The following ZFHX3 variants were observed in gnomAD, a reference collection of about 807,000 sequenced individuals.
ZFHX3 encodes the protein zinc finger homeobox 3, also known as zinc finger homeobox protein 3.
In ZFHX3, 42 loss-of-function variants were observed where a neutral mutation model predicts 279.1. The observed-to-expected ratio is 0.15, with a 90% CI of 0.12 to 0.19. The LOEUF (loss-of-function observed/expected upper bound fraction) is 0.19, where lower values mean the gene tolerates loss of function less well. Ranked by LOEUF, ZFHX3 falls within the 10% of genes least tolerant of loss-of-function variation. The pLI is 1.00. For synonymous variants in ZFHX3, 2,293 were observed against 1,957.8 expected (o/e 1.17, Z -4.52); for missense variants, 4,981 against 4,754.0 (o/e 1.05, Z -1.40).
intron 2 of ZFHX3, among the ~76,000 whole-genome samples, chr16:73,491,036 C>A (rs969421306): frequency 6.6e-6 from 1 of 152,146 alleles, no homozygotes; most frequent in Non-Finnish European, 1.5e-5. Flanking sequence ...ATACCTTTGA[C>A]AAAATGTCAT....
chr16:73,149,391 C>A (rs1966888437), intron 5 of ZFHX3, among the ~76,000 whole-genome samples: 1 of 151,906 alleles, frequency 6.6e-6, no homozygotes, highest in Admixed American at 6.6e-5. Flanking sequence ...TTCATTCATG[C>A]TGTAGAGATC....
intron 2 of ZFHX3, among the ~76,000 whole-genome samples, chr16:73,650,431 AC>A (rs1245106146): frequency 6.6e-6 from 1 of 152,074 alleles, no homozygotes; most frequent in Admixed American, 6.6e-5. Context: ...AGTAAGTGCT[AC>A]CCCCAGCCCT....
rs559060123 is a variant in ZFHX3 at position 73,672,615 on chromosome 16, A to G, written c.-1547+7565T>C. Among the ~76,000 whole-genome samples the G allele has an allele frequency of 1.0e-4, 15 of 150,430 alleles. No homozygotes were observed. In the South Asian group the frequency reaches 3.2e-3, roughly 32 times the overall value. ...ATAAAAAATGATCATAAAAATCAAAAGTTATTATTTTTCGAAAGAATAATA... is the reference window on the plus strand; with the variant it reads ...ATAAAAAATGATCATAAAAATCAAAGGTTATTATTTTTCGAAAGAATAATA... On this transcript the variant is annotated intron_variant, in intron 2 of 17. Coordinates refer to the ZFHX3 transcript ENST00000641206.
intron 1 of ZFHX3, among the ~76,000 whole-genome samples, chr16:73,881,275 C>T (rs1476805667): frequency 6.6e-6 from 1 of 152,066 alleles, no homozygotes; most frequent in Non-Finnish European, 1.5e-5. Flanking sequence ...GCAGACAAGC[C>T]CCACTGGAAA....
intron 2 of ZFHX3, among the ~76,000 whole-genome samples, chr16:73,601,671 C>T (rs373049191): frequency 2.6e-5 from 4 of 152,240 alleles, no homozygotes; most frequent in African/African-American, 9.6e-5. Flanking sequence ...ACTGTTCTTC[C>T]TTCAATTTTG....
rs966182478 is a variant in ZFHX3 at position 72,845,576 on chromosome 16, C to G, written c.3449-15717G>C. Among the ~76,000 whole-genome samples, 21 of 152,314 alleles carry G rather than the reference C, an allele frequency of 1.4e-4. 1 individual carries two copies. Among genetic ancestry groups the G allele is most frequent in the East Asian group, 1.2e-3 (6 of 5,162 alleles). ...TCCCACGCTCTGTGTCACGGCACCCCCGTCCTGCCCCAGGAGCCTGTGTTC... is the reference window on the plus strand; with the variant it reads ...TCCCACGCTCTGTGTCACGGCACCCGCGTCCTGCCCCAGGAGCCTGTGTTC... On this transcript the variant is annotated intron_variant, in intron 4 of 9. Transcript: ENST00000268489.
At chr16:73,051,815 G>A (rs749585252), upstream of ZFHX3, among the ~76,000 whole-genome samples, 40 of 151,892 alleles carry the variant, frequency 2.6e-4, no homozygotes, top group Admixed American at 1.3e-4. Context: ...TCTCTTTCTC[G>A]CTCCTTCTTT....
chr16:72,913,802 GA>G (rs2039376715), intron 3 of ZFHX3, among the ~76,000 whole-genome samples: 1 of 152,162 alleles, frequency 6.6e-6, no homozygotes. Context: ...TGTCTATCTA[GA>G]AAGTCAGAGT....
At position 73,653,907 on chromosome 16, in the gene ZFHX3, G is replaced by A. The variant is rs962569146; in HGVS notation, c.-1547+26273C>T. Among the ~76,000 whole-genome samples, 84 of 152,094 alleles carry A rather than the reference G, an allele frequency of 5.5e-4. 1 individual carries two copies. The highest frequency in any genetic ancestry group is 1.3e-4 in the Admixed American group (2 of 15,268). ...TCATTAAAAAGATAAAAAGAGGGCC[G>A]GGCACGGTGGCTCACGCCTGTAATC... On this transcript the variant is annotated intron_variant, in intron 2 of 17. Coordinates refer to the ZFHX3 transcript ENST00000641206.
At position 73,709,904 on chromosome 16, in the gene ZFHX3, G is replaced by A. The variant is rs539016948; in HGVS notation, c.-1607-29664C>T. Among the ~76,000 whole-genome samples, 40 of 152,244 alleles carry A rather than the reference G, an allele frequency of 2.6e-4. 1 individual carries two copies. The highest frequency in any genetic ancestry group is 8.3e-4 in the South Asian group (4 of 4,824). On this transcript the variant is annotated intron_variant, in intron 1 of 17. Transcript: ENST00000641206. ...CATCATAAATACATAGGTTTTGGCC[G>A]GGCGTGGTGGCTCATGCCTGTAATC...
At chr16:73,102,061 C>G (rs1966238607) in intron 7 of ZFHX3, among the ~76,000 whole-genome samples, 1 of 151,742 alleles carries the variant, frequency 6.6e-6, no homozygotes, top group South Asian at 2.1e-4. Context: ...TTACAGGCAC[C>G]TGCCACTGCG....
intron 3 of ZFHX3, among the ~76,000 whole-genome samples, chr16:73,328,489 G>C (rs774480154): frequency 5.3e-5 from 8 of 152,176 alleles, no homozygotes; most frequent in Non-Finnish European, 1.2e-4. Flanking sequence ...ACATTTTAAT[G>C]AGGCACGTTT....
intron 5 of ZFHX3, among the ~76,000 whole-genome samples, chr16:72,816,161 T>C (rs1221857767): frequency 6.6e-6 from 1 of 152,226 alleles, no homozygotes; most frequent in Non-Finnish European, 1.5e-5. Flanking sequence ...CACATAGTCA[T>C]TTTATTTTTA....
In ZFHX3 at chr16:73,739,059, G is replaced by A. The variant is rs569604386; in HGVS notation, c.-1607-58819C>T. On this transcript the variant is annotated intron_variant, in intron 1 of 17. Coordinates refer to the ZFHX3 transcript ENST00000641206. The stretch of plus-strand genomic sequence containing the variant: ...TTCCTCTGTCCCTCGGACAAGGAGC[G>A]GTCGAGGCTTCCTGCTGTTGCAAAT... Among the ~76,000 whole-genome samples the A allele has an allele frequency of 5.8e-4, 88 of 152,278 alleles. 1 individual carries two copies. The South Asian group carries it at 0.016, about 27-fold the overall frequency.
intron 2 of ZFHX3, among the ~76,000 whole-genome samples, chr16:73,602,168 GA>G (rs1241985418): frequency 6.6e-6 from 1 of 152,098 alleles, no homozygotes; most frequent in African/African-American, 2.4e-5. Flanking sequence ...AAGAAGAACA[GA>G]AAAAACATGT....
intron 4 of ZFHX3, among the ~76,000 whole-genome samples, chr16:72,849,860 C>CAAAAAAAAAAAAAAAAAAAAAAAA (rs542156633): frequency 1.8e-5 from 1 of 56,564 alleles, no homozygotes; most frequent in African/African-American, 7.9e-5. Context: ...GTTCACCTAC[C>CAAAAAAAAAAAAAAAAAAAAAAAA]AAAAAAAAAA....
intron 5 of ZFHX3, among the ~76,000 whole-genome samples, chr16:73,254,212 T>C (rs2013597161): frequency 1.3e-5 from 2 of 152,166 alleles, no homozygotes; most frequent in Admixed American, 1.3e-4. Flanking sequence ...CTGAATTACA[T>C]ACACATGGTC....
chr16:73,803,874 A>T (rs1268253652), intron 1 of ZFHX3, among the ~76,000 whole-genome samples: 1 of 152,192 alleles, frequency 6.6e-6, no homozygotes, highest in Non-Finnish European at 1.5e-5. Context: ...AAATTACTAG[A>T]AACAGCCAGG....
intron 2 of ZFHX3, among the ~76,000 whole-genome samples, chr16:73,458,517 A>G (rs1455113179): frequency 6.6e-6 from 1 of 152,108 alleles, no homozygotes; most frequent in Admixed American, 6.6e-5. Flanking sequence ...CTGGGATTGC[A>G]GGAACCTGCC....
Sources: gnomAD v4.1 joint callset for allele counts (sites outside exome capture counted in the v4.1 genomes callset) on GRCh38, gnomAD v4.1.1 for gene constraint, MANE v1.5 for transcripts, NCBI Gene and HGNC (gene_info 2026-07-23, HGNC 2026-07-21) for gene names.